Variants in CES5A observed in about 807,000 individuals in gnomAD.
The protein encoded by CES5A is carboxylesterase 5A.
CES5A carries 67 observed loss-of-function variants against 62.9 expected under a neutral mutation model. The observed-to-expected ratio is 1.07, with a 90% CI of 0.88 to 1.31. CES5A has a LOEUF of 1.31. Among genes scored for constraint, CES5A ranks in the 50% most tolerant of loss-of-function variants. The probability of loss-of-function intolerance (pLI) is 0.00; values close to 1 mark genes in which losing one functional copy is unlikely to be tolerated. For missense variants in CES5A, 748 were observed against 708.5 expected, an observed-to-expected ratio of 1.06 and a Z score of -0.63; for synonymous variants, 296 against 280.8, an observed-to-expected ratio of 1.05 and a Z score of -0.54.
intron 2 of CES5A, among the ~76,000 whole-genome samples, chr16:55,941,720 C>A (rs1182861708): frequency 6.6e-6 from 1 of 151,946 alleles, no homozygotes. Flanking sequence ...GTATGATTTC[C>A]TATAAAGCTT....
intron 2 of CES5A, 177 bp from the exon 3 acceptor site, chr16:55,871,940 C>G (rs2033598622): frequency 5.0e-6 from 3 of 603,140 alleles, no homozygotes; most frequent in African/African-American, 1.9e-5. Context: ...AACAAACAAG[C>G]AAGCAAATTA....
At chr16:55,885,361 G>A (rs762132319) in intron 1 of CES5A, among the ~76,000 whole-genome samples, 14 of 152,218 alleles carry the variant, frequency 9.2e-5, no homozygotes, top group Admixed American at 2.6e-4. Context: ...CACTTTCGTT[G>A]GTCTGAGAAG....
chr16:55,883,066 C>T (rs1355372704), intron 1 of CES5A, among the ~76,000 whole-genome samples: 6 of 152,152 alleles, frequency 3.9e-5, no homozygotes, highest in Non-Finnish European at 5.9e-5. Flanking sequence ...CTGCAGCATA[C>T]GTTATAGCAG....
intron 1 of CES5A, among the ~76,000 whole-genome samples, chr16:55,951,816 A>G (rs1299662430): frequency 6.6e-6 from 1 of 152,216 alleles, no homozygotes; most frequent in Non-Finnish European, 1.5e-5. Context: ...TGAAGGATAT[A>G]CACAGAGAAA....
intron 2 of CES5A, 25 bp from the exon 3 acceptor site, chr16:55,871,788 C>T (rs2033594510): frequency 1.9e-6 from 3 of 1,611,052 alleles, no homozygotes; most frequent in African/African-American, 1.3e-5. Context: ...GGAGAAAACC[C>T]TCAGAAAAAG....
At chr16:55,847,288 C>T (rs1439081138) in intron 11 of CES5A, among the ~76,000 whole-genome samples, 4 of 148,416 alleles carry the variant, frequency 2.7e-5, no homozygotes, top group African/African-American at 1.0e-4. Flanking sequence ...CCCTCTCTCT[C>T]TTCCTTCTTT....
chr16:55,938,797 TACA>T (rs2034413313), intron 2 of CES5A, among the ~76,000 whole-genome samples: 2 of 51,100 alleles, frequency 3.9e-5, no homozygotes, highest in African/African-American at 2.1e-4. Context: ...TATATATATA[TACA>T]CACATATATA....
upstream of CES5A, among the ~76,000 whole-genome samples, chr16:55,878,585 C>G (rs2033722938): frequency 6.7e-6 from 1 of 149,708 alleles, no homozygotes; most frequent in African/African-American, 2.5e-5. Flanking sequence ...ACTGTACCCC[C>G]ACCACTACCC....
intron 1 of CES5A, among the ~76,000 whole-genome samples, chr16:55,914,541 C>G (rs1200056882): frequency 1.3e-5 from 2 of 152,200 alleles, no homozygotes; most frequent in Non-Finnish European, 2.9e-5. Context: ...AGGAACCAAC[C>G]AGTTCTCTGG....
rs201018331 is a variant in CES5A at position 55,866,031 on chromosome 16, A to C, written c.637T>G (p.Phe213Val). 52 of 1,614,094 alleles carry C rather than the reference A, an allele frequency of 3.2e-5. No homozygotes were observed. In the South Asian group the frequency reaches 5.4e-4, roughly 17 times the overall value. Residue 213 changes from phenylalanine to valine, a missense_variant, in exon 5 of 13, where the codon TTC (phenylalanine) becomes GTC (valine). Transcript: ENST00000290567. Reference protein sequence around the residue: ...LSWVQKNIEFFGGDPSSVTIF... With the variant: ...LSWVQKNIEFVGGDPSSVTIF... ...GTCACAGAGCTGGGGTCCCCACCGAAGAACTCGATGTTCTTCTGGACCCAG... is the reference window on the plus strand; with the variant it reads ...GTCACAGAGCTGGGGTCCCCACCGACGAACTCGATGTTCTTCTGGACCCAG...
At chr16:55,952,552 T>C (rs2034568830) in intron 1 of CES5A, among the ~76,000 whole-genome samples, 2 of 152,072 alleles carry the variant, frequency 1.3e-5, no homozygotes, top group South Asian at 2.1e-4. Flanking sequence ...GAGTGAGTAA[T>C]GGTCACAAAA....
chr16:55,863,282 G>A (rs1186919723), intron 6 of CES5A, 66 bp downstream of exon 6: 5 of 881,346 alleles, frequency 5.7e-6, no homozygotes, highest in Non-Finnish European at 7.8e-6. Context: ...ATGGTGAGAA[G>A]GTGCCTGACC....
intron 1 of CES5A, among the ~76,000 whole-genome samples, chr16:55,891,128 C>T (rs2033872150): frequency 6.6e-6 from 1 of 152,062 alleles, no homozygotes; most frequent in African/African-American, 2.4e-5. Context: ...CCCACCAAAC[C>T]ACTCACCTCG....
At chr16:55,874,153 T>C in intron 1 of CES5A, 116 bp from the exon 2 acceptor site, 1 of 905,786 alleles carries the variant, frequency 1.1e-6, no homozygotes, top group Non-Finnish European at 1.7e-6. Context: ...GTTGTGCAGC[T>C]GGTGGTATCC....
chr16:55,877,464 G>GTGTATA (rs1555482648), upstream of CES5A, among the ~76,000 whole-genome samples: 1 of 114,542 alleles, frequency 8.7e-6, no homozygotes, highest in East Asian at 2.4e-4. Context: ...ATGTGTGTGT[G>GTGTATA]TGTATATATA....
intron 1 of CES5A, among the ~76,000 whole-genome samples, chr16:55,888,797 T>A (rs2033843038): frequency 6.6e-6 from 1 of 152,134 alleles, no homozygotes; most frequent in Non-Finnish European, 1.5e-5. Flanking sequence ...CACAGAAAGG[T>A]TAAGTGAAGG....
chr16:55,949,045 G>A (rs541903835), intron 2 of CES5A, among the ~76,000 whole-genome samples: 9 of 152,146 alleles, frequency 5.9e-5, no homozygotes, highest in Non-Finnish European at 1.2e-4. Flanking sequence ...CCCAGGGCAG[G>A]TTTAAAGGTT....
At chr16:55,912,543 GAGA>G (rs1238620700) in intron 1 of CES5A, among the ~76,000 whole-genome samples, 2 of 151,872 alleles carry the variant, frequency 1.3e-5, no homozygotes, top group African/African-American at 4.8e-5. Flanking sequence ...AGAGAAAGAG[GAGA>G]AGGAGAATGA....
chr16:55,903,430 G>A (rs1046188498), intron 1 of CES5A, among the ~76,000 whole-genome samples: 1 of 152,172 alleles, frequency 6.6e-6, no homozygotes, highest in Non-Finnish European at 1.5e-5. Context: ...CAGTGATTTG[G>A]GGCAAGATAT....
Sources: gnomAD v4.1 joint callset for allele counts (sites outside exome capture counted in the v4.1 genomes callset) on GRCh38, gnomAD v4.1.1 for gene constraint, MANE v1.5 for transcripts, NCBI Gene and HGNC (gene_info 2026-07-23, HGNC 2026-07-21) for gene names.